The following GPR137C variants were observed in gnomAD, a reference collection of about 807,000 sequenced individuals.
GPR137C encodes the protein G protein-coupled receptor 137C, also known as integral membrane protein GPR137C.
A neutral mutation model predicts 43.4 loss-of-function variants in GPR137C; 27 were observed. The ratio of observed to expected loss-of-function variants is 0.62; its 90% CI spans 0.46 to 0.86. GPR137C has a LOEUF of 0.86. GPR137C is among the 40% of genes least tolerant of loss of function. The pLI, the probability that GPR137C is intolerant of heterozygous loss-of-function variation, is 0.00. For synonymous variants in GPR137C, 285 were observed against 226.9 expected, an observed-to-expected ratio of 1.26 and a Z score of -2.30; for missense variants, 522 against 534.6, an observed-to-expected ratio of 0.98 and a Z score of 0.23.
chr14:52,613,639 A>G (rs1594803242), intron 3 of GPR137C: 1 of 220,282 alleles, frequency 4.5e-6, no homozygotes, highest in South Asian at 5.9e-5. Context: ...ATTTTATTTA[A>G]CATGATGATC....
chr14:52,601,172 T>C (rs544298595), intron 3 of GPR137C, among the ~76,000 whole-genome samples: 2 of 152,264 alleles, frequency 1.3e-5, no homozygotes, highest in African/African-American at 4.8e-5. Flanking sequence ...GGGGTAGATA[T>C]GTGGATATTG....
chr14:52,559,021 G>A (rs548182960), intron 1 of GPR137C, among the ~76,000 whole-genome samples: 1 of 152,182 alleles, frequency 6.6e-6, no homozygotes, highest in Non-Finnish European at 1.5e-5. Flanking sequence ...AGACATCCAA[G>A]TTTCAGATCC....
chr14:52,632,469 G>A (rs184809378), intron 4 of GPR137C, among the ~76,000 whole-genome samples, 160 bp downstream of exon 4: 4 of 152,108 alleles, frequency 2.6e-5, no homozygotes, highest in East Asian at 1.9e-4. Flanking sequence ...CTTTATGTAC[G>A]TGTGACATTT....
At chr14:52,622,044 A>G (rs2039167785) in intron 3 of GPR137C, among the ~76,000 whole-genome samples, 1 of 152,012 alleles carries the variant, frequency 6.6e-6, no homozygotes, top group South Asian at 2.1e-4. Flanking sequence ...TTAATAGAAG[A>G]CAGCTAGATT....
intron 1 of GPR137C, among the ~76,000 whole-genome samples, chr14:52,570,785 A>G (rs932695666): frequency 6.6e-5 from 10 of 152,200 alleles, no homozygotes; most frequent in Admixed American, 6.6e-4. Flanking sequence ...TTAAACAAGA[A>G]GAGCTAACCT....
chr14:52,597,467 C>T (rs372669772), intron 1 of GPR137C, among the ~76,000 whole-genome samples: 15 of 152,252 alleles, frequency 9.9e-5, no homozygotes, highest in African/African-American at 3.4e-4. Context: ...TTCCAGGTCC[C>T]CAAACTTCAT....
chr14:52,589,945 G>A (rs760052076), intron 1 of GPR137C, among the ~76,000 whole-genome samples: 14 of 151,986 alleles, frequency 9.2e-5, no homozygotes, highest in Non-Finnish European at 1.8e-4. Context: ...TTATGTTACT[G>A]GTTTATGTAT....
intron 1 of GPR137C, among the ~76,000 whole-genome samples, chr14:52,556,599 A>G (rs1028453616): frequency 6.6e-6 from 1 of 152,064 alleles, no homozygotes; most frequent in Non-Finnish European, 1.5e-5. Flanking sequence ...GTAGGACAAG[A>G]GCTTTTCCAG....
intron 3 of GPR137C, chr14:52,613,480 A>G (rs2139554840): frequency 6.5e-6 from 1 of 153,782 alleles, no homozygotes; most frequent in African/African-American, 2.4e-5. Flanking sequence ...CCCATTAACC[A>G]TCCCCACTTC....
chr14:52,569,420 A>G (rs1285192438), intron 1 of GPR137C, among the ~76,000 whole-genome samples: 2 of 152,124 alleles, frequency 1.3e-5, no homozygotes, highest in South Asian at 2.1e-4. Context: ...CAGCAAGGGA[A>G]CAAAACTGGA....
rs1452448987 is a variant in GPR137C, at chr14:52,552,868, T to A, written c.-280T>A. On this transcript the variant is annotated 5_prime_UTR_variant, in exon 1 of 7. Coordinates refer to ENST00000321662, the MANE Select transcript of GPR137C (RefSeq NM_001099652.2). ...AGCGAGCGCCTCAAATGCTCGGGTTTCTCAGCTGATTGTCTCCAGCCGAGA... is the reference window on the plus strand; with the variant it reads ...AGCGAGCGCCTCAAATGCTCGGGTTACTCAGCTGATTGTCTCCAGCCGAGA... Among the ~76,000 whole-genome samples the A allele has an allele frequency of 6.6e-6, 1 of 151,912 alleles. No homozygotes were observed. The highest frequency in any genetic ancestry group is 1.5e-5 in the Non-Finnish European group (1 of 67,940).
intron 1 of GPR137C, among the ~76,000 whole-genome samples, chr14:52,574,065 A>G (rs996189029): frequency 5.9e-5 from 9 of 152,176 alleles, no homozygotes; most frequent in African/African-American, 2.2e-4. Context: ...AAAGTCAGGA[A>G]ACAACAGATG....
At chr14:52,630,203 C>G (rs1291532113) in intron 3 of GPR137C, among the ~76,000 whole-genome samples, 1 of 152,068 alleles carries the variant, frequency 6.6e-6, no homozygotes, top group Admixed American at 6.6e-5. Flanking sequence ...ATTATTGCTT[C>G]TTTGCTCTTT....
intron 1 of GPR137C, among the ~76,000 whole-genome samples, chr14:52,588,129 G>T (rs949383057): frequency 6.6e-6 from 1 of 152,150 alleles, no homozygotes; most frequent in Non-Finnish European, 1.5e-5. Flanking sequence ...ACTTTAACCA[G>T]TTGATTAAAG....
At chr14:52,558,293 C>A (rs546777495) in intron 1 of GPR137C, among the ~76,000 whole-genome samples, 2 of 152,194 alleles carry the variant, frequency 1.3e-5, no homozygotes, top group Admixed American at 1.3e-4. Flanking sequence ...TTCATCCCCT[C>A]CAGCATAATG....
intron 1 of GPR137C, among the ~76,000 whole-genome samples, chr14:52,596,447 G>T (rs2038856379): frequency 6.6e-6 from 1 of 152,274 alleles, no homozygotes; most frequent in Admixed American, 6.5e-5. Flanking sequence ...TAGCGAGGCG[G>T]TAGGCCTTGC....
At chr14:52,588,052 G>A (rs1221077500) in intron 1 of GPR137C, among the ~76,000 whole-genome samples, 1 of 152,200 alleles carries the variant, frequency 6.6e-6, no homozygotes, top group Non-Finnish European at 1.5e-5. Flanking sequence ...AAATATTGCT[G>A]TATGTGATAC....
chr14:52,571,403 A>C (rs2038465982), intron 1 of GPR137C, among the ~76,000 whole-genome samples: 1 of 152,152 alleles, frequency 6.6e-6, no homozygotes, highest in Non-Finnish European at 1.5e-5. Flanking sequence ...TAAAATTGAC[A>C]CCCTAATGTC....
chr14:52,591,198 A>T (rs1474434226), intron 1 of GPR137C, among the ~76,000 whole-genome samples: 1 of 152,170 alleles, frequency 6.6e-6, no homozygotes, highest in South Asian at 2.1e-4. Flanking sequence ...TCCATATTGC[A>T]TATGTGCCAC....
Sources: gnomAD v4.1 joint callset for allele counts (sites outside exome capture counted in the v4.1 genomes callset) on GRCh38, gnomAD v4.1.1 for gene constraint, MANE v1.5 for transcripts, NCBI Gene and HGNC (gene_info 2026-07-23, HGNC 2026-07-21) for gene names.